Variants in TTC17 observed in about 807,000 individuals in gnomAD.
TTC17 encodes the protein tetratricopeptide repeat domain 17.
A neutral mutation model predicts 143.8 loss-of-function variants in TTC17; 58 were observed. That is an observed-to-expected ratio of 0.40 (90% CI 0.33 to 0.50). TTC17 has a LOEUF of 0.50. Ranked by LOEUF, TTC17 falls within the 20% of genes least tolerant of loss-of-function variation. The probability of loss-of-function intolerance (pLI) is 0.49; values close to 1 mark genes in which losing one functional copy is unlikely to be tolerated. For missense variants in TTC17, 1,273 were observed against 1,392.5 expected (o/e 0.91, Z 1.37); for synonymous variants, 501 against 497.8 (o/e 1.01, Z -0.09).
At chr11:43,439,945 T>C (rs1317590166) in intron 16 of TTC17, among the ~76,000 whole-genome samples, 3 of 152,196 alleles carry the variant, frequency 2.0e-5, no homozygotes, top group African/African-American at 7.2e-5. Context: ...AACTTCACAA[T>C]ATTTATTCTT....
At chr11:43,397,203 C>A in intron 6 of TTC17, 144 bp from the exon 7 acceptor site, 2 of 874,452 alleles carry the variant, frequency 2.3e-6, no homozygotes, top group Admixed American at 2.8e-5. Context: ...GATTAAGAGC[C>A]ATCAATAATT....
intron 5 of TTC17, among the ~76,000 whole-genome samples, chr11:43,394,967 A>G (rs1857523612): frequency 6.6e-6 from 1 of 152,108 alleles, no homozygotes; most frequent in Non-Finnish European, 1.5e-5. Flanking sequence ...ACATTAGAAC[A>G]TTTATAGATT....
At position 43,464,037 on chromosome 11, in the gene TTC17, A is replaced by G. The variant is rs533882279; in HGVS notation, c.3030+12772A>G. On this transcript the variant is annotated intron_variant, in intron 21 of 23. Transcript: ENST00000039989. ...CTGCCTATAATCCCAGCACTTTGGGAGGCTGAGGCGGGTGGATCACCTGAG... is the reference window on the plus strand; with the variant it reads ...CTGCCTATAATCCCAGCACTTTGGGGGGCTGAGGCGGGTGGATCACCTGAG... Among the ~76,000 whole-genome samples, 10 of 152,318 alleles carry G rather than the reference A, an allele frequency of 6.6e-5. No individual in the cohort carries two copies. In the South Asian group the frequency reaches 2.1e-3, roughly 32 times the overall value.
chr11:43,397,214 TA>T, intron 6 of TTC17, 132 bp from the exon 7 acceptor site: 1 of 1,054,482 alleles, frequency 9.5e-7, no homozygotes, highest in Non-Finnish European at 1.3e-6. Flanking sequence ...ATCAATAATT[TA>T]AAAATGAAAC....
At chr11:43,483,907 C>T (rs1948332432) in intron 21 of TTC17, among the ~76,000 whole-genome samples, 2 of 152,212 alleles carry the variant, frequency 1.3e-5, no homozygotes, top group Non-Finnish European at 2.9e-5. Flanking sequence ...TTTGGGAGGC[C>T]GAAGTGGGCA....
chr11:43,448,418 A>G (rs1947592627), intron 19 of TTC17, among the ~76,000 whole-genome samples: 2 of 152,092 alleles, frequency 1.3e-5, no homozygotes, highest in South Asian at 2.1e-4. Flanking sequence ...CACAAAACCC[A>G]TGGTTTGTCA....
intron 10 of TTC17, among the ~76,000 whole-genome samples, chr11:43,402,674 A>C (rs546059713): frequency 8.6e-4 from 131 of 152,194 alleles, no homozygotes; most frequent in Non-Finnish European, 1.7e-3. Flanking sequence ...TTTGATTGGG[A>C]TGCTTAACAG....
At chr11:43,389,631 T>A (rs1215895267) in intron 2 of TTC17, 21 bp from the exon 3 acceptor site, 1 of 1,595,336 alleles carries the variant, frequency 6.3e-7, no homozygotes, top group African/African-American at 1.4e-5. Flanking sequence ...ATCCATTCTG[T>A]TCTTACTTTC....
rs1948520034 is a variant in TTC17, at chr11:43,494,195, G to C, written c.*291G>C. 1 of 233,066 alleles carries C rather than the reference G, an allele frequency of 4.3e-6. No homozygotes were observed. The allele number at this position is 233,066 out of a possible 1,614,324, so 14.4% of individuals were successfully genotyped here. On this transcript the variant is annotated 3_prime_UTR_variant, in exon 24 of 24. Transcript: ENST00000039989. ...CAAGACATTTCTGGAGCTGTGCTCT[G>C]TCTCCAAAAACCTCAATGCCTTTAG...
chr11:43,371,530 C>T (rs995044407), intron 1 of TTC17, among the ~76,000 whole-genome samples: 3 of 152,204 alleles, frequency 2.0e-5, no homozygotes, highest in African/African-American at 7.2e-5. Flanking sequence ...TCCATGCCCT[C>T]TCCAGGAACT....
At chr11:43,448,435 T>A (rs934704730) in intron 19 of TTC17, among the ~76,000 whole-genome samples, 1 of 152,154 alleles carries the variant, frequency 6.6e-6, no homozygotes, top group Non-Finnish European at 1.5e-5. Flanking sequence ...GTCATGAATA[T>A]CATGCAGTTG....
intron 11 of TTC17, among the ~76,000 whole-genome samples, chr11:43,404,796 T>C (rs1344899015): frequency 6.6e-6 from 1 of 151,670 alleles, no homozygotes; most frequent in African/African-American, 2.4e-5. Context: ...GATTTAAGTT[T>C]AGTAAGCCTC....
At chr11:43,490,142 A>C in intron 21 of TTC17, 97 bp from the exon 22 acceptor site, 1 of 1,483,476 alleles carries the variant, frequency 6.7e-7, no homozygotes, top group South Asian at 1.4e-5. Context: ...GTAAATACTC[A>C]GTTGAATGGT....
chr11:43,437,707 A>G (rs1270812065), intron 16 of TTC17, among the ~76,000 whole-genome samples: 4 of 152,220 alleles, frequency 2.6e-5, no homozygotes, highest in Admixed American at 6.5e-5. Context: ...ACAAATGTAG[A>G]TATAATTGCA....
At chr11:43,438,483 A>G (rs1947341921) in intron 16 of TTC17, among the ~76,000 whole-genome samples, 1 of 152,112 alleles carries the variant, frequency 6.6e-6, no homozygotes, top group South Asian at 2.1e-4. Flanking sequence ...AGTTTGTCTA[A>G]TTCCTTAGAA....
chr11:43,479,964 G>A (rs1008831165), intron 21 of TTC17, among the ~76,000 whole-genome samples: 3 of 152,098 alleles, frequency 2.0e-5, no homozygotes, highest in Non-Finnish European at 2.9e-5. Flanking sequence ...TGCTGTTGCT[G>A]GAATAACACT....
chr11:43,405,395 A>G (rs1858071525), intron 11 of TTC17, 119 bp from the exon 12 acceptor site: 11 of 768,766 alleles, frequency 1.4e-5, no homozygotes, highest in Admixed American at 2.2e-5. Context: ...AGAGTCTACC[A>G]TAATCTTAAG....
At chr11:43,417,157 T>G (rs1322902105) in intron 16 of TTC17, among the ~76,000 whole-genome samples, 1 of 152,192 alleles carries the variant, frequency 6.6e-6, no homozygotes, top group Non-Finnish European at 1.5e-5. Context: ...GTTACTTTGC[T>G]GACTTGTAGC....
chr11:43,424,442 GA>G (rs145060207), intron 16 of TTC17, among the ~76,000 whole-genome samples: 13,554 of 152,032 alleles, frequency 0.089, 893 homozygotes, highest in Admixed American at 0.23. Flanking sequence ...CACAAATGAG[GA>G]AAGCTTTCTT....
Sources: gnomAD v4.1 joint callset for allele counts (sites outside exome capture counted in the v4.1 genomes callset) on GRCh38, gnomAD v4.1.1 for gene constraint, MANE v1.5 for transcripts, NCBI Gene and HGNC (gene_info 2026-07-23, HGNC 2026-07-21) for gene names.